The following PTPRB variants were observed in gnomAD, a reference collection of about 807,000 sequenced individuals.
PTPRB encodes receptor-type tyrosine-protein phosphatase beta.
PTPRB carries 97 observed loss-of-function variants against 238.1 expected under a neutral mutation model. That is an observed-to-expected ratio of 0.41 (90% confidence interval 0.35 to 0.48). The LOEUF (loss-of-function observed/expected upper bound fraction) is 0.48, where lower values mean the gene tolerates loss of function less well. Among genes scored for constraint, PTPRB ranks in the 20% least tolerant of loss-of-function variants. PTPRB has a pLI of 0.30. For missense variants in PTPRB, 2,292 were observed against 2,681.9 expected, an observed-to-expected ratio of 0.85 and a Z score of 3.21; for synonymous variants, 970 against 995.4, an observed-to-expected ratio of 0.97 and a Z score of 0.48.
intron 3 of PTPRB, among the ~76,000 whole-genome samples, chr12:70,615,958 A>G: frequency 6.6e-6 from 1 of 152,190 alleles, no homozygotes; most frequent in Non-Finnish European, 1.5e-5. Context: ...AGGAAATTCA[A>G]AATGGATATA....
intron 32 of PTPRB, chr12:70,527,677 A>G (rs1203845586): frequency 3.3e-5 from 5 of 152,240 alleles, no homozygotes; most frequent in African/African-American, 1.2e-4. Context: ...TTGTTTAGAA[A>G]TGCTTGCTGT....
At chr12:70,523,029 ATTTTTGTATT>A (rs1478454431) in intron 33 of PTPRB, among the ~76,000 whole-genome samples, 1 of 148,222 alleles carries the variant, frequency 6.7e-6, no homozygotes, top group Non-Finnish European at 1.5e-5. Flanking sequence ...TGCCCGGCTA[ATTTTTGTATT>A]TTTAGTAGAG....
chr12:70,538,760 G>A (rs1366049846), intron 27 of PTPRB, 164 bp downstream of exon 27: 14 of 623,502 alleles, frequency 2.2e-5, no homozygotes, highest in Non-Finnish European at 4.0e-5. Context: ...TCCCTCTGGA[G>A]GGAAGTGCAG....
At chr12:70,543,693 C>T (rs754792499) in intron 22 of PTPRB, among the ~76,000 whole-genome samples, 15 of 152,252 alleles carry the variant, frequency 9.9e-5, no homozygotes, top group South Asian at 2.1e-4. Flanking sequence ...GAAAAGGCTA[C>T]GCAGACGATG....
At chr12:70,607,093 T>C (rs961515174) in intron 4 of PTPRB, among the ~76,000 whole-genome samples, 3 of 152,244 alleles carry the variant, frequency 2.0e-5, no homozygotes, top group African/African-American at 7.2e-5. Flanking sequence ...ATTTCAGAAA[T>C]GCCTCTGGAC....
intron 9 of PTPRB, 123 bp from the exon 10 acceptor site, chr12:70,581,425 A>G (rs1881382530): frequency 9.7e-7 from 1 of 1,025,972 alleles, no homozygotes. Context: ...TGTTGTTGCT[A>G]TAGACTCTCA....
intron 20 of PTPRB, among the ~76,000 whole-genome samples, chr12:70,554,612 A>G (rs753847856): frequency 2.6e-5 from 4 of 152,262 alleles, no homozygotes; most frequent in Non-Finnish European, 5.9e-5. Context: ...GAATAAAACT[A>G]TTCAAAATTC....
chr12:70,525,977 T>G (rs1439383398), intron 32 of PTPRB, among the ~76,000 whole-genome samples: 1 of 152,216 alleles, frequency 6.6e-6, no homozygotes, highest in Non-Finnish European at 1.5e-5. Flanking sequence ...ACCTTGTGTT[T>G]AAGGCAATCA....
chr12:70,566,582 C>G lies in PTPRB; in HGVS notation c.3757G>C (p.Gly1253Arg). The change falls in exon 15 of 34, where the codon GGA becomes CGA. Residue 1253 changes from glycine (G) to arginine (R), a missense_variant. Around this residue, in one of 4 missense-constraint regions of PTPRB, gnomAD observed 683 missense variants for 862.0 expected, o/e 0.79. Transcript: ENST00000334414. ...RYDILLLTEN[G>R]ILLRNTSEPA... ...TCTGATGTGTTGCGCAGAAGGATTC[C>G]ATTTTCAGTTAGAAGCAGGATATCA... 1 of 1,614,000 alleles carries G rather than the reference C, an allele frequency of 6.2e-7. No individual in the cohort carries two copies. Among genetic ancestry groups the G allele is most frequent in the Non-Finnish European group, 8.5e-7 (1 of 1,179,896 alleles).
rs1283273652 is a variant in PTPRB, at chr12:70,560,534, G to A, written c.4432+137C>T. ...CTTGTCCTTTATCTGTTGTCCCACAGTCCCTTCCCAAATTCAGGGGCTAGC... is the reference window on the plus strand; with the variant it reads ...CTTGTCCTTTATCTGTTGTCCCACAATCCCTTCCCAAATTCAGGGGCTAGC... On this transcript the variant is annotated intron_variant, in intron 17 of 33. Transcript: ENST00000334414. This position sits in a 1 kb window ranked among gnomAD's most constrained non-coding sequence, Gnocchi z 4.2. 1 of 1,129,346 alleles carries A rather than the reference G, an allele frequency of 8.9e-7. No homozygotes were observed. Among genetic ancestry groups the A allele is most frequent in the Non-Finnish European group, 1.2e-6 (1 of 806,132 alleles). The allele number at this position is 1,129,346 out of a possible 1,614,324, so 70.0% of individuals were successfully genotyped here.
intron 7 of PTPRB, 186 bp downstream of exon 7, chr12:70,592,096 A>G: frequency 2.7e-6 from 2 of 734,458 alleles, no homozygotes; most frequent in South Asian, 3.8e-5. Flanking sequence ...CAGATCATTC[A>G]GAAATCCAAA....
At chr12:70,555,091 A>G (rs1565935258) in intron 20 of PTPRB, 69 bp downstream of exon 20, 2 of 1,512,172 alleles carry the variant, frequency 1.3e-6, no homozygotes, top group East Asian at 2.3e-5. Flanking sequence ...TGTCACAGAA[A>G]GATCTCCCAC....
intron 2 of PTPRB, among the ~76,000 whole-genome samples, chr12:70,626,489 C>A (rs745967193): frequency 6.6e-6 from 1 of 151,436 alleles, no homozygotes; most frequent in East Asian, 1.9e-4. Context: ...AATTGCAGAT[C>A]AAACATATTA....
At chr12:70,597,098 T>C (rs1233880543) in intron 4 of PTPRB, among the ~76,000 whole-genome samples, 1 of 152,028 alleles carries the variant, frequency 6.6e-6, no homozygotes, top group East Asian at 1.9e-4. Flanking sequence ...TTTTTTGTAT[T>C]TTTAGTAGAG....
intron 4 of PTPRB, 40 bp from the exon 5 acceptor site, chr12:70,596,367 GAAAGAA>G: frequency 8.1e-7 from 1 of 1,236,114 alleles, no homozygotes; most frequent in Non-Finnish European, 1.0e-6. Context: ...AAAAAAAAAA[GAAAGAA>G]AAAGAAAAAA....
At position 70,562,920 on chromosome 12, in the gene PTPRB, T is replaced by C. The variant is rs558644349; in HGVS notation, c.4092A>G (p.Gln1364=). 6.2e-7 allele frequency: 1 copy of C among 1,614,002 alleles called. No homozygotes were observed. Among genetic ancestry groups the C allele is most frequent in the African/African-American group, 1.3e-5 (1 of 75,058 alleles). Residue 1364 remains glutamine (Q), a synonymous_variant, in exon 16 of 34, where the codon CAA becomes CAG. Coordinates refer to ENST00000334414, the MANE Select transcript of PTPRB (RefSeq NM_001109754.4). ...VQSFSFQNLL[Q]GRMYKMVIVT... is the part of the protein sequence containing the mutation. ...CAATCACCATCTTGTACATTCTGCC[T>C]TGTAGCAAGTTCTGGAAAGAGAAGC...
In PTPRB at chr12:70,576,607, C is replaced by T. The variant is rs1880735048; in HGVS notation, c.2617G>A (p.Gly873Ser). The change falls in exon 11 of 34, where the codon GGT becomes AGT. Residue 873 changes from glycine to serine, a missense_variant. By Grantham distance (56) the Gly-to-Ser change is moderately conservative. This residue lies in a region of PTPRB where 1,205 missense variants were observed against 1,287.8 expected (regional missense o/e 0.94). Transcript: ENST00000334414. ...GAAACGCTGAGGTAGTCATTACGACCGGAATTGTTCACCGTTACTCCACTC... is the reference window on the plus strand; with the variant it reads ...GAAACGCTGAGGTAGTCATTACGACTGGAATTGTTCACCGTTACTCCACTC... ...SVSGVTVNNS[G>S]RNDYLSVSWL... 3 of 1,523,084 alleles carry T rather than the reference C, an allele frequency of 2.0e-6. No homozygotes were observed. The highest frequency in any genetic ancestry group is 8.8e-7 in the Non-Finnish European group (1 of 1,136,702). 94.3% of individuals were successfully genotyped at this position (1,523,084 alleles called of 1,614,324 possible). A position where few individuals can be genotyped will look rare whatever the true frequency, so the allele number is the denominator to read the frequency against.
intron 31 of PTPRB, among the ~76,000 whole-genome samples, chr12:70,532,861 G>C (rs1220847016): frequency 6.6e-6 from 1 of 152,098 alleles, no homozygotes; most frequent in African/African-American, 2.4e-5. Context: ...GCCCAGCTTG[G>C]TCTTGAACTC....
At chr12:70,636,300 T>C (rs1036465638) in intron 1 of PTPRB, among the ~76,000 whole-genome samples, 1 of 151,720 alleles carries the variant, frequency 6.6e-6, no homozygotes, top group Non-Finnish European at 1.5e-5. Flanking sequence ...TTTTTTTTTT[T>C]AATTTTCACA....
Sources: allele counts gnomAD v4.1 joint callset (sites outside exome capture counted in the v4.1 genomes callset), GRCh38; gene constraint gnomAD v4.1.1; regional missense constraint gnomAD v4.1.1; non-coding constraint Gnocchi (gnomAD v3.1); transcripts MANE v1.5; gene names NCBI Gene and HGNC (gene_info 2026-07-23, HGNC 2026-07-21).